NLGN1: variants seen among roughly 807,000 people sequenced by gnomAD.
NLGN1 encodes neuroligin-1.
In NLGN1, 12 loss-of-function variants were observed where a neutral mutation model predicts 65.5. That is an observed-to-expected ratio of 0.18 (90% CI 0.12 to 0.30). The LOEUF (loss-of-function observed/expected upper bound fraction) is 0.30, where lower values mean the gene tolerates loss of function less well. Ranked by LOEUF, NLGN1 falls within the 10% of genes least tolerant of loss-of-function variation. The pLI, the probability that NLGN1 is intolerant of heterozygous loss-of-function variation, is 1.00. For synonymous variants in NLGN1, 350 were observed against 359.5 expected (o/e 0.97, Z 0.30); for missense variants, 750 against 1,007.1 (o/e 0.74, Z 3.46).
intron 4 of NLGN1, among the ~76,000 whole-genome samples, chr3:174,265,559 A>G (rs950303559): frequency 6.6e-6 from 1 of 151,710 alleles, no homozygotes; most frequent in Non-Finnish European, 1.5e-5. Flanking sequence ...GCGCGCACCC[A>G]CTGACCTGCG....
chr3:173,418,745 C>T (rs148296256), intron 1 of NLGN1, among the ~76,000 whole-genome samples: 1 of 152,094 alleles, frequency 6.6e-6, no homozygotes, highest in African/African-American at 2.4e-5. Context: ...AGCTTAGATT[C>T]TGAGAAGCCA....
chr3:173,992,888 A>G (rs1721418636), intron 4 of NLGN1, among the ~76,000 whole-genome samples: 1 of 152,220 alleles, frequency 6.6e-6, no homozygotes, highest in African/African-American at 2.4e-5. Flanking sequence ...ATTTCCGTTT[A>G]CAACAATCTT....
chr3:173,804,047 C>G lies in NLGN1; in HGVS notation c.494-3633C>G, dbSNP rs564728276. Among the ~76,000 whole-genome samples the G allele has an allele frequency of 2.5e-4, 38 of 152,040 alleles. 1 individual carries two copies. The South Asian group carries it at 7.7e-3, about 31-fold the overall frequency. On this transcript the variant is annotated intron_variant, in intron 3 of 6. Transcript: ENST00000457714. ...TCTGGTTGTCAGGTACAAATAAATC[C>G]CCATTAACTGCTCTAGATCTATTGA...
At chr3:173,675,986 C>T (rs769074679) in intron 3 of NLGN1, among the ~76,000 whole-genome samples, 4 of 151,072 alleles carry the variant, frequency 2.6e-5, no homozygotes, top group Non-Finnish European at 5.9e-5. Context: ...TGTTAATATG[C>T]TGGTTATGAT....
chr3:173,451,276 A>G (rs1272237741), intron 2 of NLGN1, among the ~76,000 whole-genome samples: 1 of 152,074 alleles, frequency 6.6e-6, no homozygotes, highest in Non-Finnish European at 1.5e-5. Context: ...TTTCCTTTTA[A>G]CAGTCAGGAC....
intron 3 of NLGN1, chr3:173,789,937 C>T (rs1712295504): frequency 2.0e-6 from 1 of 492,464 alleles, no homozygotes; most frequent in African/African-American, 1.9e-5. Context: ...GAGCTTCATT[C>T]CTTCTGCAGA....
intron 4 of NLGN1, among the ~76,000 whole-genome samples, chr3:173,874,879 A>C (rs964499718): frequency 6.6e-6 from 1 of 152,192 alleles, no homozygotes; most frequent in African/African-American, 2.4e-5. Flanking sequence ...GAAGGAAGTA[A>C]TCTGACATTA....
chr3:173,747,059 TACACAC>T (rs3033827), intron 3 of NLGN1, among the ~76,000 whole-genome samples: 9,889 of 130,186 alleles, frequency 0.076, 609 homozygotes, highest in African/African-American at 0.1. Flanking sequence ...AAATTATATA[TACACAC>T]ACACACACAC....
At chr3:173,600,335 T>C (rs1170813086) in intron 2 of NLGN1, among the ~76,000 whole-genome samples, 1 of 151,996 alleles carries the variant, frequency 6.6e-6, no homozygotes, top group African/African-American at 2.4e-5. Flanking sequence ...TTGTATAGCA[T>C]TGGTTAAGAG....
chr3:173,774,929 A>T (rs978593226), intron 3 of NLGN1, among the ~76,000 whole-genome samples: 1 of 152,074 alleles, frequency 6.6e-6, no homozygotes, highest in African/African-American at 2.4e-5. Context: ...TCTTTTACCT[A>T]TAGTTTTAAT....
rs375518461 is a variant in NLGN1 at position 173,434,180 on chromosome 3, T to A, written c.-389-830T>A. ...ATGTGTTATAGTTTATATCAGATAA[T>A]GTTTAGACATATTCAAATTACTCAA... On this transcript the variant is annotated intron_variant, in intron 1 of 6. Transcript: ENST00000457714. 7.9e-5 allele frequency among the ~76,000 whole-genome samples: 12 copies of A among 152,290 alleles called. 1 individual carries two copies. Among genetic ancestry groups the A allele is most frequent in the South Asian group, 6.2e-4 (3 of 4,830 alleles).
chr3:173,591,453 C>T (rs997266522), intron 2 of NLGN1, among the ~76,000 whole-genome samples: 11 of 152,120 alleles, frequency 7.2e-5, no homozygotes, highest in East Asian at 1.9e-4. Context: ...ATGTGAAAGG[C>T]GTTGGTGGTC....
Position 173,604,410 on chromosome 3 carries a change from A to G in NLGN1, c.-189A>G. On this transcript the variant is annotated 5_prime_UTR_variant, in exon 3 of 7. The change abolishes the stop of an existing upstream ORF in the 5' untranslated region. Transcript: ENST00000457714. ...ATGGTCTGATAAATAGTGATGATTG[A>G]AGATGCTGCTCCAATACATGTGAAA... is the stretch of plus-strand genomic sequence containing the variant. The G allele has an allele frequency of 1.5e-6, 1 of 665,386 alleles. No homozygotes were observed. The highest frequency in any genetic ancestry group is 2.7e-6 in the Non-Finnish European group (1 of 376,688). The allele number at this position is 665,386 out of a possible 1,614,324, so 41.2% of individuals were successfully genotyped here.
intron 4 of NLGN1, among the ~76,000 whole-genome samples, chr3:173,943,841 G>T (rs1251710639): frequency 6.6e-6 from 1 of 152,236 alleles, no homozygotes; most frequent in Admixed American, 6.5e-5. Context: ...AAGCAACGTT[G>T]TATTTCTACT....
chr3:173,604,445 G>C (rs559825817), exon 3 of NLGN1: 2 of 742,528 alleles, frequency 2.7e-6, no homozygotes, highest in Non-Finnish European at 4.5e-6. Flanking sequence ...ATCAATGGGA[G>C]ATATCTGCTG....
intron 4 of NLGN1, among the ~76,000 whole-genome samples, chr3:173,979,509 T>C (rs2152390340): frequency 6.6e-6 from 1 of 151,874 alleles, no homozygotes; most frequent in South Asian, 2.1e-4. Flanking sequence ...AGAGAAAAGG[T>C]GTGAGGATAA....
chr3:174,133,552 T>C (rs1050715624), intron 4 of NLGN1, among the ~76,000 whole-genome samples: 5 of 152,082 alleles, frequency 3.3e-5, no homozygotes, highest in African/African-American at 1.2e-4. Flanking sequence ...GGGTAGACAG[T>C]ATGATGACAA....
intron 4 of NLGN1, among the ~76,000 whole-genome samples, chr3:173,951,314 T>TA (rs1462612293): frequency 6.6e-6 from 1 of 152,224 alleles, no homozygotes; most frequent in Non-Finnish European, 1.5e-5. Flanking sequence ...TGTCATCTGA[T>TA]AAAATCAGAC....
At chr3:173,396,896 T>A (rs3752768), upstream of NLGN1, among the ~76,000 whole-genome samples, 84,319 of 151,964 alleles carry the variant, frequency 0.55, 23,548 homozygotes, top group East Asian at 0.61. Flanking sequence ...ATCGTCTATT[T>A]GAGTTTAAAT....
Sources: allele counts gnomAD v4.1 joint callset (sites outside exome capture counted in the v4.1 genomes callset), GRCh38; gene constraint gnomAD v4.1.1; transcripts MANE v1.5; gene names NCBI Gene and HGNC (gene_info 2026-07-23, HGNC 2026-07-21).